JAZF1: variants seen among roughly 807,000 people sequenced by gnomAD.
JAZF1 encodes JAZF zinc finger 1.
Under a neutral mutation model 26.4 loss-of-function variants are expected in JAZF1, and 8 were observed. The ratio of observed to expected loss-of-function variants is 0.30; its 90% CI spans 0.18 to 0.55. The LOEUF (loss-of-function observed/expected upper bound fraction) is 0.55, where lower values mean the gene tolerates loss of function less well. JAZF1 is among the 20% of genes least tolerant of loss of function. The pLI, the probability that JAZF1 is intolerant of heterozygous loss-of-function variation, is 0.94. For missense variants in JAZF1, 199 were observed against 322.0 expected (o/e 0.62, Z 2.92); for synonymous variants, 126 against 122.3 (o/e 1.03, Z -0.20).
intron 1 of JAZF1, among the ~76,000 whole-genome samples, chr7:28,081,269 G>A (rs533982117): frequency 1.3e-5 from 2 of 152,144 alleles, no homozygotes; most frequent in Non-Finnish European, 2.9e-5. Context: ...ATCACATAAC[G>A]ATGAGGAAGC....
At chr7:28,135,423 T>C (rs901354441) in intron 1 of JAZF1, among the ~76,000 whole-genome samples, 8 of 152,250 alleles carry the variant, frequency 5.3e-5, no homozygotes, top group African/African-American at 1.9e-4. Flanking sequence ...ATTGTTCTTA[T>C]GTCAGTTAAT....
chr7:28,142,200 T>A (rs570480185), intron 1 of JAZF1, among the ~76,000 whole-genome samples: 1 of 152,142 alleles, frequency 6.6e-6, no homozygotes, highest in Non-Finnish European at 1.5e-5. Flanking sequence ...CCCATAAACA[T>A]CATCTGGGGA....
intron 1 of JAZF1, among the ~76,000 whole-genome samples, chr7:28,046,858 A>C (rs1783505708): frequency 6.6e-6 from 1 of 152,114 alleles, no homozygotes; most frequent in Non-Finnish European, 1.5e-5. Context: ...GCTCTGTATA[A>C]ATTTTGAATA....
At chr7:28,119,242 A>G (rs567513752) in intron 1 of JAZF1, among the ~76,000 whole-genome samples, 156 of 152,130 alleles carry the variant, frequency 1.0e-3, no homozygotes, top group Non-Finnish European at 1.9e-3. Context: ...CTGAATTTCA[A>G]CCTTTTTTCG....
chr7:27,912,692 C>T (rs1207636408), intron 2 of JAZF1, among the ~76,000 whole-genome samples: 1 of 151,986 alleles, frequency 6.6e-6, no homozygotes, highest in African/African-American at 2.4e-5. Flanking sequence ...CAACTTTTTC[C>T]CCCCTATATA....
chr7:28,124,272 A>G (rs989517661), intron 1 of JAZF1, among the ~76,000 whole-genome samples: 3 of 152,182 alleles, frequency 2.0e-5, no homozygotes, highest in African/African-American at 7.2e-5. Flanking sequence ...TCTGCAAGCC[A>G]CACAAAGAGG....
At chr7:27,871,013 T>C (rs1255574347) in intron 3 of JAZF1, among the ~76,000 whole-genome samples, 2 of 152,210 alleles carry the variant, frequency 1.3e-5, no homozygotes, top group Non-Finnish European at 2.9e-5. Flanking sequence ...TATATGTAGA[T>C]GCAGTTTCAT....
chr7:27,836,747 A>G (rs1033624484), intron 4 of JAZF1, among the ~76,000 whole-genome samples: 4 of 152,188 alleles, frequency 2.6e-5, no homozygotes, highest in Non-Finnish European at 5.9e-5. Flanking sequence ...GCAGTTCCCT[A>G]CTGGCCACTG....
At chr7:27,987,840 C>T (rs1402917689) in intron 2 of JAZF1, among the ~76,000 whole-genome samples, 1 of 152,258 alleles carries the variant, frequency 6.6e-6, no homozygotes, top group South Asian at 2.1e-4. Context: ...TTGTTCTGTA[C>T]TAAGAAAAAT....
At chr7:28,006,881 A>T (rs1782710780) in intron 1 of JAZF1, among the ~76,000 whole-genome samples, 1 of 152,142 alleles carries the variant, frequency 6.6e-6, no homozygotes, top group Non-Finnish European at 1.5e-5. Context: ...AGGTGATTTT[A>T]TTATATCTCT....
At chr7:27,902,625 G>T (rs1050373272) in intron 2 of JAZF1, among the ~76,000 whole-genome samples, 4 of 152,186 alleles carry the variant, frequency 2.6e-5, no homozygotes, top group Admixed American at 2.6e-4. Flanking sequence ...CCGACCAAGG[G>T]TTGTGGTGAG....
intron 2 of JAZF1, among the ~76,000 whole-genome samples, chr7:27,897,081 C>T (rs1784079430): frequency 6.7e-6 from 1 of 150,216 alleles, no homozygotes; most frequent in Admixed American, 6.6e-5. Flanking sequence ...AGAACTAGTG[C>T]TTTTTTTTTT....
chr7:28,151,374 G>A (rs1783109881), intron 1 of JAZF1, among the ~76,000 whole-genome samples: 1 of 151,348 alleles, frequency 6.6e-6, no homozygotes, highest in East Asian at 2.0e-4. Flanking sequence ...CAAAGTGCTG[G>A]GATTACAGGC....
rs183613642 is a variant in JAZF1 at position 28,035,498 on chromosome 7, T to G, written c.116-43517A>C. 2.0e-5 allele frequency among the ~76,000 whole-genome samples: 3 copies of G among 151,832 alleles called. No homozygotes were observed. In the East Asian group the frequency reaches 5.8e-4, roughly 29 times the overall value. ...CATCAAAAATAAATTTTTCAGAAAATATTTTTTCAAAACATGTTTAACAAA... is the reference window on the plus strand; with the variant it reads ...CATCAAAAATAAATTTTTCAGAAAAGATTTTTTCAAAACATGTTTAACAAA... On this transcript the variant is annotated intron_variant, in intron 1 of 4. Coordinates refer to ENST00000283928, the MANE Select transcript of JAZF1 (RefSeq NM_175061.4).
At position 27,969,077 on chromosome 7, in the gene JAZF1, C is replaced by A. The variant is rs17156102; in HGVS notation, c.188+22832G>T. On this transcript the variant is annotated intron_variant, in intron 2 of 4. Coordinates refer to ENST00000283928, the MANE Select transcript of JAZF1 (RefSeq NM_175061.4). ...TTTATCCTTTTCTGCTAACCTTAGT[C>A]TGGTCAATAGGCAAACTTGGACAAC... Among the ~76,000 whole-genome samples the A allele has an allele frequency of 1.3e-5, 2 of 152,048 alleles. 1 individual carries two copies. Among genetic ancestry groups the A allele is most frequent in the South Asian group, 4.1e-4 (2 of 4,820 alleles).
chr7:27,976,497 C>T (rs888104747), intron 2 of JAZF1, among the ~76,000 whole-genome samples: 1 of 151,906 alleles, frequency 6.6e-6, no homozygotes, highest in Admixed American at 6.6e-5. Context: ...GCTAAGAAAA[C>T]GGTAGCACGA....
intron 4 of JAZF1, among the ~76,000 whole-genome samples, chr7:27,839,911 T>C (rs1156429261): frequency 6.6e-6 from 1 of 152,212 alleles, no homozygotes; most frequent in Non-Finnish European, 1.5e-5. Flanking sequence ...ATGTTTCTGA[T>C]TTTTATACTC....
chr7:27,896,029 C>G (rs975540068), intron 2 of JAZF1, among the ~76,000 whole-genome samples: 10 of 152,194 alleles, frequency 6.6e-5, no homozygotes, highest in Non-Finnish European at 8.8e-5. Flanking sequence ...CCAGGCCCAC[C>G]TCAGGAAACA....
intron 3 of JAZF1, among the ~76,000 whole-genome samples, chr7:27,845,978 A>T (rs961739776): frequency 2.0e-5 from 3 of 151,268 alleles, no homozygotes; most frequent in African/African-American, 7.3e-5. Context: ...AACAGAAAAA[A>T]CCCGTTATGT....
Sources: allele counts gnomAD v4.1 joint callset (sites outside exome capture counted in the v4.1 genomes callset), GRCh38; gene constraint gnomAD v4.1.1; transcripts MANE v1.5; gene names NCBI Gene and HGNC (gene_info 2026-07-23, HGNC 2026-07-21).